PNISR: variants seen among roughly 807,000 people sequenced by gnomAD.
The protein encoded by PNISR is arginine/serine-rich protein PNISR.
A neutral mutation model predicts 93.4 loss-of-function variants in PNISR; 20 were observed. The observed-to-expected ratio is 0.21, with a 90% CI of 0.15 to 0.31. The LOEUF (loss-of-function observed/expected upper bound fraction) is 0.31, where lower values mean the gene tolerates loss of function less well. Ranked by LOEUF, PNISR falls within the 10% of genes least tolerant of loss-of-function variation. The pLI is 1.00. For synonymous variants in PNISR, 305 were observed against 306.5 expected, an observed-to-expected ratio of 0.99 and a Z score of 0.05; for missense variants, 893 against 985.4, an observed-to-expected ratio of 0.91 and a Z score of 1.25.
chr6:99,414,874 CTGGT>C, intron 2 of PNISR, 184 bp from the exon 3 acceptor site: 1 of 355,516 alleles, frequency 2.8e-6, no homozygotes, highest in Non-Finnish European at 5.0e-6. Flanking sequence ...TATGTTAATG[CTGGT>C]CTCAGAATTT....
In PNISR at chr6:99,401,211, C is replaced by G; in HGVS notation, c.1747G>C (p.Glu583Gln). 6.2e-7 allele frequency: 1 copy of G among 1,614,010 alleles called. No homozygotes were observed. Among genetic ancestry groups the G allele is most frequent in the Non-Finnish European group, 8.5e-7 (1 of 1,179,960 alleles). ...ATCTTTACCCTAGCCCTATTGCTCT[C>G]TATTTTAATTCTGCGAGAATAGCTT... ...SRSYSRRIKI[E>Q]SNRARVKIRD... Residue 583 changes from glutamate to glutamine, a missense_variant, in exon 12 of 12, where the codon GAG becomes CAG. Physicochemically the swap from Glu to Gln is conservative, Grantham distance 29 (BLOSUM62 2). Coordinates refer to ENST00000369239, the MANE Select transcript of PNISR (RefSeq NM_032870.4).
At chr6:99,422,536 T>C (rs1778700513) in intron 1 of PNISR, among the ~76,000 whole-genome samples, 1 of 152,248 alleles carries the variant, frequency 6.6e-6, no homozygotes, top group African/African-American at 2.4e-5. Flanking sequence ...ACATGCATTT[T>C]AGTATATACT....
chr6:99,408,364 A>C, intron 6 of PNISR, 93 bp from the exon 7 acceptor site: 2 of 841,266 alleles, frequency 2.4e-6, no homozygotes, highest in Non-Finnish European at 3.8e-6. Context: ...ATTAAATATC[A>C]TGCCTTTCTT....
intron 3 of PNISR, among the ~76,000 whole-genome samples, chr6:99,413,644 C>T (rs983757577): frequency 3.3e-5 from 5 of 152,134 alleles, no homozygotes; most frequent in Non-Finnish European, 5.9e-5. Context: ...CAAGCATCTA[C>T]ATTTAACATT....
At chr6:99,405,699 G>A (rs1172249225) in intron 8 of PNISR, among the ~76,000 whole-genome samples, 2 of 151,970 alleles carry the variant, frequency 1.3e-5, no homozygotes, top group African/African-American at 4.8e-5. Flanking sequence ...TGAGTTGCTG[G>A]GACTGCAGGT....
chr6:99,407,868 T>C (rs534973418), intron 7 of PNISR, among the ~76,000 whole-genome samples: 3 of 152,362 alleles, frequency 2.0e-5, no homozygotes, highest in African/African-American at 7.2e-5. Flanking sequence ...GCCAGCTCTC[T>C]GGAATGAAGT....
In PNISR at chr6:99,400,405, C is replaced by G. The variant is rs1775306059; in HGVS notation, c.*135G>C. The G allele has an allele frequency of 1.6e-6, 2 of 1,238,700 alleles. No homozygotes were observed. The highest frequency in any genetic ancestry group is 2.9e-5 in the East Asian group (1 of 34,544). 76.7% of individuals were successfully genotyped at this position (1,238,700 alleles called of 1,614,324 possible). A position where few individuals can be genotyped will look rare whatever the true frequency, so the allele number is the denominator to read the frequency against. The stretch of plus-strand genomic sequence containing the variant: ...AAATAAATAATATTATATAGGATTT[C>G]TAACATTTAAGACTATGATTATTTA... On this transcript the variant is annotated 3_prime_UTR_variant, in exon 12 of 12. Transcript: ENST00000369239.
At chr6:99,424,975 ACT>A (rs1779292651) in intron 1 of PNISR, 6 of 355,146 alleles carry the variant, frequency 1.7e-5, no homozygotes, top group Non-Finnish European at 2.5e-5. Flanking sequence ...CCGAGAGGAA[ACT>A]CTGTGAGAAG....
Position 99,425,275 on chromosome 6 carries a change from C to T in PNISR, c.-172G>A. 3 of 1,232,028 alleles carry T rather than the reference C, an allele frequency of 2.4e-6. No individual in the cohort carries two copies. The highest frequency in any genetic ancestry group is 6.3e-5 in the East Asian group (2 of 31,714). 76.3% of individuals were successfully genotyped at this position (1,232,028 alleles called of 1,614,324 possible). A position where few individuals can be genotyped will look rare whatever the true frequency, so the allele number is the denominator to read the frequency against. On this transcript the variant is annotated 5_prime_UTR_variant, in exon 1 of 12. Transcript: ENST00000369239. Reference sequence around the variant, plus strand: ...TCCGGTAACACCTCTCCAACGCTTTCGATGCTTCTACTTCTTCGGGAACAA... The same window carrying T: ...TCCGGTAACACCTCTCCAACGCTTTTGATGCTTCTACTTCTTCGGGAACAA...
At chr6:99,421,941 C>A (rs757254387) in intron 1 of PNISR, among the ~76,000 whole-genome samples, 1 of 151,816 alleles carries the variant, frequency 6.6e-6, no homozygotes, top group East Asian at 1.9e-4. Context: ...TCTCGGCTTA[C>A]GGCAACCTCC....
At chr6:99,402,828 G>A (rs577659896) in intron 10 of PNISR, 118 bp from the exon 11 acceptor site, 23 of 710,500 alleles carry the variant, frequency 3.2e-5, no homozygotes, top group Middle Eastern at 2.8e-4. Context: ...AGAAGAATAC[G>A]CTTATTCGGG....
chr6:99,403,967 C>A, intron 9 of PNISR, 85 bp from the exon 10 acceptor site: 1 of 880,546 alleles, frequency 1.1e-6, no homozygotes, highest in South Asian at 1.5e-5. Flanking sequence ...ATTGTTAAAT[C>A]TACTACTATT....
intron 1 of PNISR, among the ~76,000 whole-genome samples, chr6:99,424,590 G>C (rs1256914337): frequency 6.6e-6 from 1 of 152,208 alleles, no homozygotes; most frequent in African/African-American, 2.4e-5. Flanking sequence ...GCAGGGGGAA[G>C]TAAAAAGATG....
At chr6:99,408,332 G>T in intron 6 of PNISR, 61 bp from the exon 7 acceptor site, 1 of 1,201,078 alleles carries the variant, frequency 8.3e-7, no homozygotes. Flanking sequence ...ACAAACTTGT[G>T]AGTAAATTTA....
rs1039822658 is a variant in PNISR, at chr6:99,408,195, T to G, written c.750A>C (p.Lys250Asn). The change falls in exon 7 of 12, where the codon AAA (lysine) becomes AAC (asparagine). Residue 250 changes from lysine to asparagine, a missense_variant. Physicochemically the swap from Lys to Asn is moderately conservative, Grantham distance 94. Coordinates refer to ENST00000369239, the MANE Select transcript of PNISR (RefSeq NM_032870.4). ...LEKMEREKQKKLEKERMEQQR... is the reference protein window; with the variant it reads ...LEKMEREKQKNLEKERMEQQR... The stretch of plus-strand genomic sequence containing the variant: ...GTTGTTCCATTCTTTCTTTCTCCAA[T>G]TTCTTCTGCTTTTCACGTTCCATTT... 7 of 1,613,694 alleles carry G rather than the reference T, an allele frequency of 4.3e-6. No individual in the cohort carries two copies. The highest frequency in any genetic ancestry group is 5.1e-6 in the Non-Finnish European group (6 of 1,179,640).
chr6:99,417,944 G>A (rs1479556208), intron 1 of PNISR, among the ~76,000 whole-genome samples: 1 of 142,200 alleles, frequency 7.0e-6, no homozygotes, highest in Non-Finnish European at 1.5e-5. Context: ...CTCTAGCCTG[G>A]GCGACAAGAG....
At chr6:99,424,882 C>A (rs750460668) in intron 1 of PNISR, 269 of 215,720 alleles carry the variant, frequency 1.2e-3, no homozygotes, top group Non-Finnish European at 1.8e-3. Context: ...CCCCCATGAA[C>A]CCCCTTCCCA....
chr6:99,412,491 A>G, intron 4 of PNISR, 60 bp downstream of exon 4: 7 of 1,215,568 alleles, frequency 5.8e-6, no homozygotes, highest in African/African-American at 1.5e-5. Flanking sequence ...AAAAAATTTA[A>G]TAATAATCTT....
At position 99,401,431 on chromosome 6, in the gene PNISR, C is replaced by T; in HGVS notation, c.1527G>A (p.Arg509=). 1 of 1,607,120 alleles carries T rather than the reference C, an allele frequency of 6.2e-7. No individual in the cohort carries two copies. ...HKEKEKQGRS[R]SGSSSSGSSS... is the part of the protein sequence containing the mutation. ...AACTACCACTACTAGAACTTCCCGACCTACTCCTTCCTTGTTTTTCTTTTT... is the reference window on the plus strand; with the variant it reads ...AACTACCACTACTAGAACTTCCCGATCTACTCCTTCCTTGTTTTTCTTTTT... Residue 509 remains arginine, a synonymous_variant, in exon 12 of 12, where the codon AGG becomes AGA. Coordinates refer to ENST00000369239, the MANE Select transcript of PNISR (RefSeq NM_032870.4).
Sources: gnomAD v4.1 joint callset for allele counts (sites outside exome capture counted in the v4.1 genomes callset) on GRCh38, gnomAD v4.1.1 for gene constraint, MANE v1.5 for transcripts, NCBI Gene and HGNC (gene_info 2026-07-23, HGNC 2026-07-21) for gene names.